HSD17B7: variants seen among roughly 807,000 people sequenced by gnomAD.
The protein encoded by HSD17B7 is hydroxysteroid 17-beta dehydrogenase 7.
In HSD17B7, 17 loss-of-function variants were observed where a neutral mutation model predicts 34.1. That is an observed-to-expected ratio of 0.50 (90% CI 0.34 to 0.75). The LOEUF is 0.75. Among genes scored for constraint, HSD17B7 ranks in the 30% least tolerant of loss-of-function variants. HSD17B7 has a pLI of 0.01. For synonymous variants in HSD17B7, 122 were observed against 154.6 expected (o/e 0.79, Z 1.56); for missense variants, 296 against 406.6 (o/e 0.73, Z 2.34).
At chr1:162,802,321 C>T (rs1209898401) in intron 5 of HSD17B7, among the ~76,000 whole-genome samples, 2 of 152,094 alleles carry the variant, frequency 1.3e-5, no homozygotes, top group Non-Finnish European at 2.9e-5. Flanking sequence ...AGAATAGTCC[C>T]CAAGTGATCC....
In HSD17B7 at chr1:162,799,790, G is replaced by C. The variant is rs1376653937; in HGVS notation, c.495G>C (p.Gln165His). 3 of 1,613,692 alleles carry C rather than the reference G, an allele frequency of 1.9e-6. No individual in the cohort carries two copies. Among genetic ancestry groups the C allele is most frequent in the Non-Finnish European group, 2.5e-6 (3 of 1,179,866 alleles). ...TCTGTCACAGTGACAATCCATCTCA[G>C]CTCATCTGGACATCATCTCGCAGTG... is the stretch of plus-strand genomic sequence containing the variant. ...PLLCHSDNPS[Q>H]LIWTSSRSAR... Residue 165 changes from glutamine (Q) to histidine (H), a missense_variant, in exon 5 of 9, where the codon CAG becomes CAC. Coordinates refer to ENST00000254521, the MANE Select transcript of HSD17B7 (RefSeq NM_016371.4).
intron 8 of HSD17B7, among the ~76,000 whole-genome samples, chr1:162,811,829 C>T (rs1208894610): frequency 6.6e-6 from 1 of 152,238 alleles, no homozygotes; most frequent in East Asian, 1.9e-4. Flanking sequence ...AGAACATAGT[C>T]TCATGGCTCT....
At chr1:162,797,580 A>G (rs547603802) in intron 3 of HSD17B7, 6 of 465,010 alleles carry the variant, frequency 1.3e-5, no homozygotes, top group East Asian at 3.5e-5. Context: ...AGCGTGAGCT[A>G]TAAGTATGTA....
At position 162,803,435 on chromosome 1, in the gene HSD17B7, T is replaced by C; in HGVS notation, c.647T>C (p.Leu216Pro). 3.7e-6 allele frequency: 6 copies of C among 1,612,554 alleles called. No homozygotes were observed. The highest frequency in any genetic ancestry group is 5.1e-6 in the Non-Finnish European group (6 of 1,178,920). ...GCTACACCTCTCTGTTCCTAGGGTC[T>C]CTATTCCAATGTGGCCTGTCCAGGT... ...ALNRNFNQQG[L>P]YSNVACPGTA... The change falls in exon 6 of 9, where the codon CTC becomes CCC. Residue 216 changes from leucine (L) to proline (P), a missense_variant. Coordinates refer to ENST00000254521, the MANE Select transcript of HSD17B7 (RefSeq NM_016371.4).
intron 2 of HSD17B7, 165 bp downstream of exon 2, chr1:162,793,027 C>CTTTTT: frequency 1.3e-5 from 4 of 319,772 alleles, no homozygotes; most frequent in South Asian, 3.6e-5. Context: ...ACCACGTTTT[C>CTTTTT]TTTCTTTTTT....
intron 3 of HSD17B7, 99 bp from the exon 4 acceptor site, chr1:162,797,703 G>T (rs535523236): frequency 1.3e-6 from 2 of 1,514,926 alleles, no homozygotes; most frequent in Non-Finnish European, 8.9e-7. Context: ...ATCAAGGGAG[G>T]TGTAGTTTAT....
chr1:162,795,404 G>A (rs2102230282), intron 2 of HSD17B7, among the ~76,000 whole-genome samples: 1 of 152,276 alleles, frequency 6.6e-6, no homozygotes, highest in South Asian at 2.1e-4. Context: ...ACTGAAGCCA[G>A]AGCTTAATTT....
intron 4 of HSD17B7, chr1:162,798,204 C>T (rs1648684379): frequency 2.4e-6 from 1 of 413,910 alleles, no homozygotes; most frequent in Non-Finnish European, 3.9e-6. Context: ...CCATTATTAA[C>T]ATTTCGCATT....
At chr1:162,808,637 A>G (rs1344014929) in intron 8 of HSD17B7, among the ~76,000 whole-genome samples, 1 of 152,058 alleles carries the variant, frequency 6.6e-6, no homozygotes, top group African/African-American at 2.4e-5. Context: ...GTCCTCTTTT[A>G]TTTCATTGAG....
At chr1:162,798,702 G>A (rs909106855) in intron 4 of HSD17B7, 2 of 156,162 alleles carry the variant, frequency 1.3e-5, no homozygotes, top group African/African-American at 4.8e-5. Context: ...TCTACTTTTT[G>A]AAAGAAAGTT....
At chr1:162,810,412 A>C (rs1571012122) in intron 8 of HSD17B7, among the ~76,000 whole-genome samples, 1 of 152,234 alleles carries the variant, frequency 6.6e-6, no homozygotes, top group East Asian at 1.9e-4. Flanking sequence ...GGTGCTGAGA[A>C]GAATGTATAT....
intron 7 of HSD17B7, 126 bp downstream of exon 7, chr1:162,804,449 T>A (rs1011627067): frequency 6.3e-6 from 4 of 636,098 alleles, no homozygotes; most frequent in Admixed American, 3.1e-5. Flanking sequence ...ATAATTGAGG[T>A]CCCGTTTGGA....
chr1:162,807,369 A>G (rs1230510521), intron 8 of HSD17B7, among the ~76,000 whole-genome samples: 1 of 152,150 alleles, frequency 6.6e-6, no homozygotes, highest in African/African-American at 2.4e-5. Context: ...AATCCAGTCT[A>G]TCATTGTTGG....
At position 162,792,730 on chromosome 1, in the gene HSD17B7, G is replaced by A; in HGVS notation, c.107G>A (p.Arg36Lys). The change falls in exon 2 of 9, where the codon AGG becomes AAG. Residue 36 changes from arginine (R) to lysine (K), a missense_variant. Physicochemically the swap from Arg to Lys is conservative, Grantham distance 26 (BLOSUM62 2). Coordinates refer to ENST00000254521, the MANE Select transcript of HSD17B7 (RefSeq NM_016371.4). The part of the protein sequence containing the change: ...DDELHLCLAC[R>K]NMSKAEAVCA... ...GAGCTTCATCTGTGTTTGGCGTGCAGGAACATGAGCAAGGCAGAAGCTGTC... is the reference window on the plus strand; with the variant it reads ...GAGCTTCATCTGTGTTTGGCGTGCAAGAACATGAGCAAGGCAGAAGCTGTC... 6.2e-7 allele frequency: 1 copy of A among 1,614,158 alleles called. No individual in the cohort carries two copies. The highest frequency in any genetic ancestry group is 8.5e-7 in the Non-Finnish European group (1 of 1,180,042).
intron 8 of HSD17B7, among the ~76,000 whole-genome samples, chr1:162,809,817 C>T (rs890031996): frequency 1.9e-4 from 29 of 151,812 alleles, no homozygotes; most frequent in Admixed American, 2.6e-4. Flanking sequence ...TTTTTTATTG[C>T]GTCTATTTGA....
chr1:162,806,851 G>A (rs928083764), intron 8 of HSD17B7, among the ~76,000 whole-genome samples: 2 of 152,296 alleles, frequency 1.3e-5, no homozygotes, highest in Admixed American at 6.5e-5. Flanking sequence ...TTAATTTGGG[G>A]AAGTCAGCTT....
rs1340032718 is a variant in HSD17B7 at position 162,799,831 on chromosome 1, T to G, written c.536T>G (p.Phe179Cys). The G allele has an allele frequency of 6.2e-7, 1 of 1,614,126 alleles. No individual in the cohort carries two copies. ...TSSRSARKSN[F>C]SLEDFQHSKG... ...TCTCGCAGTGCAAGGAAATCTAATT[T>G]CAGCCTCGAGGACTTCCAGCACAGC... The change falls in exon 5 of 9, where the codon TTC becomes TGC. Residue 179 changes from phenylalanine (F) to cysteine (C), a missense_variant. Coordinates refer to ENST00000254521, the MANE Select transcript of HSD17B7 (RefSeq NM_016371.4).
At position 162,792,685 on chromosome 1, in the gene HSD17B7, G is replaced by A. The variant is rs1202072484; in HGVS notation, c.62G>A (p.Arg21Gln). 5.6e-6 allele frequency: 9 copies of A among 1,613,484 alleles called. No homozygotes were observed. The highest frequency in any genetic ancestry group is 1.7e-5 in the Admixed American group (1 of 59,946). Residue 21 changes from arginine to glutamine, a missense_variant, in exon 2 of 9, where the codon CGG becomes CAG. By Grantham distance (43) the Arg-to-Gln change is conservative. Coordinates refer to ENST00000254521, the MANE Select transcript of HSD17B7 (RefSeq NM_016371.4). ...SSGIGLALCK[R>Q]LLAEDDELHL... is the part of the protein sequence containing the mutation. ...GGCATTGGCCTGGCCCTCTGCAAGCGGCTGCTGGCGGAAGATGATGAGCTT... is the reference window on the plus strand; with the variant it reads ...GGCATTGGCCTGGCCCTCTGCAAGCAGCTGCTGGCGGAAGATGATGAGCTT...
At chr1:162,805,340 C>T (rs2102235916) in intron 7 of HSD17B7, 54 bp from the exon 8 acceptor site, 1 of 1,596,562 alleles carries the variant, frequency 6.3e-7, no homozygotes, top group Admixed American at 1.7e-5. Flanking sequence ...TCTCCACCAG[C>T]CTCACTCATC....
Sources: allele counts gnomAD v4.1 joint callset (sites outside exome capture counted in the v4.1 genomes callset), GRCh38; gene constraint gnomAD v4.1.1; transcripts MANE v1.5; gene names NCBI Gene and HGNC (gene_info 2026-07-23, HGNC 2026-07-21).